CSMD1: variants seen among roughly 807,000 people sequenced by gnomAD.
CSMD1 encodes CUB and sushi domain-containing protein 1.
A neutral mutation model predicts 417.5 loss-of-function variants in CSMD1; 213 were observed. The ratio of observed to expected loss-of-function variants is 0.51; its 90% confidence interval spans 0.46 to 0.57. The LOEUF (loss-of-function observed/expected upper bound fraction) is 0.57, where lower values mean the gene tolerates loss of function less well. CSMD1 is among the 20% of genes least tolerant of loss of function. CSMD1 has a pLI of 0.00. For missense variants in CSMD1, 6,923 were observed against 4,529.7 expected, an observed-to-expected ratio of 1.53 and a Z score of -15.17; for synonymous variants, 2,862 against 1,736.8, an observed-to-expected ratio of 1.65 and a Z score of -16.11.
At chr8:3,823,932 T>C (rs774434659) in intron 5 of CSMD1, among the ~76,000 whole-genome samples, 2 of 152,212 alleles carry the variant, frequency 1.3e-5, no homozygotes, top group African/African-American at 2.4e-5. Flanking sequence ...TTTACATCTC[T>C]GGTAATTTTA....
chr8:3,904,140 G>C (rs1037048536), intron 5 of CSMD1, among the ~76,000 whole-genome samples: 1 of 151,968 alleles, frequency 6.6e-6, no homozygotes. Context: ...ATTATATTTG[G>C]ATAAATATTA....
At chr8:4,611,054 C>G (rs1485244201) in intron 2 of CSMD1, among the ~76,000 whole-genome samples, 1 of 151,722 alleles carries the variant, frequency 6.6e-6, no homozygotes, top group Non-Finnish European at 1.5e-5. Context: ...GGTCTATTTA[C>G]AAAAACTTAA....
intron 1 of CSMD1, among the ~76,000 whole-genome samples, chr8:4,893,527 A>G (rs529919397): frequency 6.6e-6 from 1 of 152,242 alleles, no homozygotes; most frequent in East Asian, 1.9e-4. Context: ...ACCCACTTTG[A>G]ATAATAATTT....
chr8:3,243,076 C>T (rs943658719), intron 26 of CSMD1, among the ~76,000 whole-genome samples: 1 of 152,024 alleles, frequency 6.6e-6, no homozygotes, highest in Non-Finnish European at 1.5e-5. Flanking sequence ...TTGAAATTAA[C>T]AGAAGGGAGA....
intron 5 of CSMD1, among the ~76,000 whole-genome samples, chr8:3,982,681 G>T (rs192931388): frequency 6.6e-6 from 1 of 151,982 alleles, no homozygotes; most frequent in African/African-American, 2.4e-5. Flanking sequence ...CAGGGTGGCG[G>T]ACCGGAAGCC....
At chr8:3,064,321 G>A (rs1379578789) in intron 49 of CSMD1, among the ~76,000 whole-genome samples, 1 of 152,174 alleles carries the variant, frequency 6.6e-6, no homozygotes, top group African/African-American at 2.4e-5. Context: ...TCATGATGGT[G>A]AGTGAGTTCT....
Position 3,829,322 on chromosome 8 carries a change from C to T in CSMD1, c.819-75280G>A, listed in dbSNP as rs80037211. Reference sequence around the variant, plus strand: ...AGCTACTTCACTTATTCTACAATCACCTTTCCATAACCAGGTCTTTCTGGT... The same window carrying T: ...AGCTACTTCACTTATTCTACAATCATCTTTCCATAACCAGGTCTTTCTGGT... On this transcript the variant is annotated intron_variant, in intron 5 of 69. Coordinates refer to ENST00000635120, the MANE Select transcript of CSMD1 (RefSeq NM_033225.6). Among the ~76,000 whole-genome samples the T allele has an allele frequency of 9.5e-3, 1,441 of 152,262 alleles. 36 individuals are homozygous for T. The highest frequency in any genetic ancestry group is 0.031 in the African/African-American group (1,289 of 41,548).
At chr8:4,252,055 G>C (rs1234777990) in intron 3 of CSMD1, among the ~76,000 whole-genome samples, 1 of 152,110 alleles carries the variant, frequency 6.6e-6, no homozygotes, top group Non-Finnish European at 1.5e-5. Flanking sequence ...AAGCACAGAA[G>C]ATCATTCCCA....
intron 23 of CSMD1, among the ~76,000 whole-genome samples, chr8:3,309,143 C>G (rs1056145199): frequency 6.6e-6 from 1 of 152,176 alleles, no homozygotes; most frequent in Non-Finnish European, 1.5e-5. Flanking sequence ...ACGGGATACT[C>G]TGCTGCCTCT....
chr8:3,100,496 C>G (rs971609932), intron 46 of CSMD1, among the ~76,000 whole-genome samples: 1 of 152,214 alleles, frequency 6.6e-6, no homozygotes, highest in Non-Finnish European at 1.5e-5. Context: ...GGTCCTATAG[C>G]TGAGATGTTT....
At chr8:3,388,426 G>C (rs1390236845) in intron 17 of CSMD1, among the ~76,000 whole-genome samples, 2 of 152,154 alleles carry the variant, frequency 1.3e-5, no homozygotes, top group African/African-American at 2.4e-5. Context: ...GAATATCATT[G>C]TAATGTTTAC....
chr8:4,258,545 ACAAT>A (rs1803645358), intron 3 of CSMD1, among the ~76,000 whole-genome samples: 4 of 114,696 alleles, frequency 3.5e-5, no homozygotes, highest in Non-Finnish European at 5.8e-5. Flanking sequence ...GAAGAGTGGA[ACAAT>A]GGAGGGAGGG....
At chr8:3,894,501 C>G (rs1253364253) in intron 5 of CSMD1, among the ~76,000 whole-genome samples, 1 of 152,058 alleles carries the variant, frequency 6.6e-6, no homozygotes, top group Non-Finnish European at 1.5e-5. Context: ...GTAGTTTTAA[C>G]ATTTGCCAAA....
intron 1 of CSMD1, among the ~76,000 whole-genome samples, chr8:4,671,730 T>A (rs1246912108): frequency 6.6e-6 from 1 of 151,678 alleles, no homozygotes; most frequent in Non-Finnish European, 1.5e-5. Context: ...ATTGCTTGTG[T>A]GTGTGTGTGT....
intron 21 of CSMD1, among the ~76,000 whole-genome samples, chr8:3,348,424 A>G (rs1808160983): frequency 6.6e-6 from 1 of 152,092 alleles, no homozygotes; most frequent in African/African-American, 2.4e-5. Flanking sequence ...TATCATACAG[A>G]GAGTTCTAGA....
intron 2 of CSMD1, among the ~76,000 whole-genome samples, chr8:4,460,244 A>T (rs1799732121): frequency 1.3e-5 from 2 of 152,294 alleles, no homozygotes; most frequent in South Asian, 4.1e-4. Context: ...AAAAACCCAA[A>T]GGAGTTAAAG....
chr8:4,112,836 G>T (rs1300479095), intron 3 of CSMD1, among the ~76,000 whole-genome samples: 1 of 152,056 alleles, frequency 6.6e-6, no homozygotes, highest in Non-Finnish European at 1.5e-5. Flanking sequence ...TCACTGTATT[G>T]CACTTTGCTG....
At chr8:4,933,997 G>C (rs1244944999) in intron 1 of CSMD1, among the ~76,000 whole-genome samples, 5 of 148,118 alleles carry the variant, frequency 3.4e-5, no homozygotes, top group Admixed American at 1.3e-4. Context: ...TTACGTTTAT[G>C]CTTTTTTTTT....
At chr8:4,038,258 A>C (rs1797717308) in intron 3 of CSMD1, among the ~76,000 whole-genome samples, 1 of 152,160 alleles carries the variant, frequency 6.6e-6, no homozygotes, top group Non-Finnish European at 1.5e-5. Context: ...AAATAGAAAT[A>C]ATTAAGAATA....
Sources: allele counts gnomAD v4.1 joint callset (sites outside exome capture counted in the v4.1 genomes callset), GRCh38; gene constraint gnomAD v4.1.1; transcripts MANE v1.5; gene names NCBI Gene and HGNC (gene_info 2026-07-23, HGNC 2026-07-21).